The following DPP6 variants were observed in gnomAD, a reference collection of about 807,000 sequenced individuals.
DPP6 encodes dipeptidyl peptidase like 6.
A neutral mutation model predicts 122.6 loss-of-function variants in DPP6; 69 were observed. The ratio of observed to expected loss-of-function variants is 0.56; its 90% CI spans 0.46 to 0.69. The LOEUF (loss-of-function observed/expected upper bound fraction) is 0.69. Ranked by LOEUF, DPP6 falls within the 30% of genes least tolerant of loss-of-function variation. The probability of loss-of-function intolerance (pLI) is 0.00; values close to 1 mark genes in which losing one functional copy is unlikely to be tolerated. For synonymous variants in DPP6, 418 were observed against 433.1 expected, an observed-to-expected ratio of 0.97 and a Z score of 0.43; for missense variants, 928 against 1,116.9, an observed-to-expected ratio of 0.83 and a Z score of 2.41.
intron 1 of DPP6, among the ~76,000 whole-genome samples, chr7:154,161,024 A>C (rs1796954853): frequency 6.6e-6 from 1 of 152,184 alleles, no homozygotes; most frequent in African/African-American, 2.4e-5. Flanking sequence ...ACTCAGGGGC[A>C]GTCAGGAGGC....
At chr7:154,104,746 A>G (rs969734543) in intron 1 of DPP6, among the ~76,000 whole-genome samples, 1 of 152,170 alleles carries the variant, frequency 6.6e-6, no homozygotes, top group Non-Finnish European at 1.5e-5. Context: ...TACATAACAT[A>G]CACTCAATGT....
intron 17 of DPP6, among the ~76,000 whole-genome samples, chr7:154,861,714 G>A (rs1803413394): frequency 6.6e-6 from 1 of 152,186 alleles, no homozygotes; most frequent in African/African-American, 2.4e-5. Context: ...ATTGCTCTGA[G>A]ATGCATCTCT....
At chr7:153,999,663 AT>A (rs1454800554) in intron 1 of DPP6, among the ~76,000 whole-genome samples, 2 of 152,222 alleles carry the variant, frequency 1.3e-5, no homozygotes, top group African/African-American at 4.8e-5. Flanking sequence ...ACTAAGATAC[AT>A]TAAAAGAAAC....
At chr7:153,774,598 G>T in the DPP6 span, among the ~76,000 whole-genome samples, 1 of 152,136 alleles carries the variant, frequency 6.6e-6, no homozygotes, top group Non-Finnish European at 1.5e-5. Flanking sequence ...TACATTGAAG[G>T]AATAGTTAAT....
chr7:154,544,683 C>T (rs912623097), intron 4 of DPP6, among the ~76,000 whole-genome samples: 8 of 152,118 alleles, frequency 5.3e-5, no homozygotes, highest in East Asian at 1.9e-4. Flanking sequence ...GGACCCCAGC[C>T]GGTTGTGCAA....
At chr7:154,086,090 T>C (rs1324755208) in intron 1 of DPP6, among the ~76,000 whole-genome samples, 2 of 152,150 alleles carry the variant, frequency 1.3e-5, no homozygotes, top group Non-Finnish European at 2.9e-5. Context: ...AAACATTGCA[T>C]TGTCCTGGTT....
At chr7:154,145,319 C>T (rs1193420578) in intron 1 of DPP6, among the ~76,000 whole-genome samples, 1 of 152,158 alleles carries the variant, frequency 6.6e-6, no homozygotes, top group African/African-American at 2.4e-5. Flanking sequence ...TAAAGAGCTG[C>T]AGGTGCCTCT....
At chr7:154,492,011 G>A (rs1014730798) in intron 3 of DPP6, among the ~76,000 whole-genome samples, 3 of 152,138 alleles carry the variant, frequency 2.0e-5, no homozygotes, top group Admixed American at 2.0e-4. Flanking sequence ...ATCCAACAAT[G>A]TAAACAGGTA....
chr7:153,871,580 C>G, the DPP6 span, among the ~76,000 whole-genome samples: 20 of 152,196 alleles, frequency 1.3e-4, no homozygotes, highest in African/African-American at 2.4e-5. Context: ...AAAGGGAGTT[C>G]CCTGACCCCT....
At position 153,982,826 on chromosome 7, in the gene DPP6, T is replaced by G. The variant is rs558139028; in HGVS notation, c.51+95092T>G. On this transcript the variant is annotated intron_variant, in intron 1 of 25. Coordinates refer to the DPP6 transcript ENST00000404039. ...CCTCTTCTGCAGGTCTGCTGGAGTT[T>G]GCTGGAGGTCCACTCCAGACCCTGT... 6.6e-5 allele frequency among the ~76,000 whole-genome samples: 10 copies of G among 152,364 alleles called. No individual in the cohort carries two copies. In the East Asian group the frequency reaches 1.7e-3, roughly 26 times the overall value.
chr7:153,749,787 G>C, the DPP6 span, among the ~76,000 whole-genome samples: 2 of 152,066 alleles, frequency 1.3e-5, no homozygotes, highest in African/African-American at 4.8e-5. The surrounding 1 kb of genome is among the most constrained non-coding windows in gnomAD (Gnocchi z 4.1). Flanking sequence ...TCCTTACCCG[G>C]GTTACATAGG....
At chr7:154,473,244 G>C (rs939231886) in intron 2 of DPP6, among the ~76,000 whole-genome samples, 4 of 152,076 alleles carry the variant, frequency 2.6e-5, no homozygotes, top group Admixed American at 6.5e-5. Flanking sequence ...ATTTATTGTC[G>C]TGTATATGGA....
intron 5 of DPP6, among the ~76,000 whole-genome samples, chr7:154,593,883 G>A (rs1482448182): frequency 6.6e-6 from 1 of 152,228 alleles, no homozygotes; most frequent in Non-Finnish European, 1.5e-5. Flanking sequence ...ATCTTGTACT[G>A]CAATTATAGA....
chr7:154,126,204 T>G lies in DPP6; in HGVS notation c.243+73141T>G, dbSNP rs529321756. On this transcript the variant is annotated intron_variant, in intron 1 of 25. Coordinates refer to ENST00000377770, the MANE Select transcript of DPP6 (RefSeq NM_130797.4). ...GGAAAACTGTCTAGAAATGGTCCAT[T>G]TATAATCATATATGTGAATAGAACT... Among the ~76,000 whole-genome samples the G allele has an allele frequency of 4.6e-5, 7 of 152,278 alleles. No homozygotes were observed. The East Asian group carries it at 1.4e-3, about 29-fold the overall frequency.
intron 1 of DPP6, among the ~76,000 whole-genome samples, chr7:153,953,228 T>C (rs577181983): frequency 5.1e-4 from 77 of 152,284 alleles, no homozygotes; most frequent in Non-Finnish European, 8.5e-4. Flanking sequence ...TGTCCTCATA[T>C]CTAGTTTGCA....
chr7:154,315,233 C>G (rs918738021), intron 1 of DPP6, among the ~76,000 whole-genome samples: 1 of 152,164 alleles, frequency 6.6e-6, no homozygotes, highest in African/African-American at 2.4e-5. Flanking sequence ...AGTAGTTATA[C>G]AACAGGTGTG....
At position 154,264,991 on chromosome 7, in the gene DPP6, A is replaced by AATG. The variant is rs377638419; in HGVS notation, c.244-181222_244-181220dup. 5.0e-5 allele frequency among the ~76,000 whole-genome samples: 5 copies of AATG among 100,384 alleles called. 1 individual carries two copies. Among genetic ancestry groups the AATG allele is most frequent in the Admixed American group, 4.0e-4 (4 of 9,942 alleles). The allele number at this position is 100,384 out of a possible 152,430, so 65.9% of individuals were successfully genotyped here. A position where few individuals can be genotyped will look rare whatever the true frequency, so the allele number is the denominator to read the frequency against. On this transcript the variant is annotated intron_variant, in intron 1 of 25. Transcript: ENST00000377770. ...TGATGGTGTTGATGATGATGGTGAT[A>AATG]ATGGTGATGATAATGATAGTGATAG...
At chr7:153,964,681 C>T (rs10275498) in intron 1 of DPP6, among the ~76,000 whole-genome samples, 7,880 of 151,640 alleles carry the variant, frequency 0.052, 513 homozygotes, top group African/African-American at 0.18. Flanking sequence ...ATTTCTTCAT[C>T]ATGACAGGGT....
chr7:154,868,331 T>C (rs1172963238), intron 18 of DPP6, among the ~76,000 whole-genome samples: 1 of 152,198 alleles, frequency 6.6e-6, no homozygotes, highest in Admixed American at 6.5e-5. Flanking sequence ...GGCTGACAGT[T>C]GCTTCAAAGC....
Sources: allele counts gnomAD v4.1 joint callset (sites outside exome capture counted in the v4.1 genomes callset), GRCh38; gene constraint gnomAD v4.1.1; non-coding constraint Gnocchi (gnomAD v3.1); transcripts MANE v1.5; gene names NCBI Gene and HGNC (gene_info 2026-07-23, HGNC 2026-07-21).